Variants in CAMTA1 observed in about 807,000 individuals in gnomAD.
The protein encoded by CAMTA1 is calmodulin-binding transcription activator 1.
CAMTA1 carries 27 observed loss-of-function variants against 170.9 expected under a neutral mutation model. The observed-to-expected ratio is 0.16, with a 90% CI of 0.12 to 0.22. The LOEUF (loss-of-function observed/expected upper bound fraction) is 0.22. Among genes scored for constraint, CAMTA1 ranks in the 10% least tolerant of loss-of-function variants. The pLI is 1.00. For synonymous variants in CAMTA1, 833 were observed against 891.5 expected (o/e 0.93, Z 1.17); for missense variants, 1,619 against 2,217.2 (o/e 0.73, Z 5.42).
chr1:7,242,864 A>G (rs1211311039), intron 4 of CAMTA1, among the ~76,000 whole-genome samples: 1 of 152,102 alleles, frequency 6.6e-6, no homozygotes, highest in Non-Finnish European at 1.5e-5. Context: ...TGGGAGGCTG[A>G]GGCAGGAGAA....
At chr1:7,101,258 C>T (rs1642679146) in intron 4 of CAMTA1, among the ~76,000 whole-genome samples, 1 of 152,166 alleles carries the variant, frequency 6.6e-6, no homozygotes, top group Non-Finnish European at 1.5e-5. Context: ...GTGGTGTTTC[C>T]TCTGGATCAA....
intron 4 of CAMTA1, among the ~76,000 whole-genome samples, chr1:7,243,544 G>GCAGCATTATT (rs1318461439): frequency 6.6e-6 from 1 of 152,130 alleles, no homozygotes; most frequent in Non-Finnish European, 1.5e-5. Flanking sequence ...TTGTAGATAC[G>GCAGCATTATT]CAGCATTATT....
rs372047367 is a variant in CAMTA1 at position 7,670,955 on chromosome 1, C to T, written c.2697C>T (p.Ser899=). 9 of 1,613,688 alleles carry T rather than the reference C, an allele frequency of 5.6e-6. No homozygotes were observed. The African/African-American group carries it at 8.0e-5, about 14-fold the overall frequency. ...VLITGPWQEA[S]NNYSCLFDQI... ...TCACAGGCCCGTGGCAAGAAGCCAG[C>T]AATAACTACAGCTGCCTGTTTGACC... is the stretch of plus-strand genomic sequence containing the variant. The change falls in exon 10 of 23, where the codon AGC becomes AGT. Residue 899 remains serine (S), a synonymous_variant. Transcript: ENST00000303635.
intron 5 of CAMTA1, among the ~76,000 whole-genome samples, chr1:7,350,971 G>A (rs2084626327): frequency 6.6e-6 from 1 of 152,210 alleles, no homozygotes; most frequent in Non-Finnish European, 1.5e-5. Flanking sequence ...TCCCGGTAGG[G>A]CACTTCTCTG....
intron 6 of CAMTA1, among the ~76,000 whole-genome samples, chr1:7,559,909 C>A (rs182577247): frequency 5.9e-5 from 9 of 152,288 alleles, no homozygotes; most frequent in African/African-American, 2.2e-4. Context: ...AGACTCGCAG[C>A]GAGTTTCCGG....
chr1:7,220,936 C>T (rs2149127765), intron 4 of CAMTA1, among the ~76,000 whole-genome samples: 1 of 152,340 alleles, frequency 6.6e-6, no homozygotes, highest in South Asian at 2.1e-4. Flanking sequence ...CTCCCTAGGG[C>T]CCTCCAGCTG....
chr1:6,891,495 G>A (rs1674486841), intron 3 of CAMTA1, among the ~76,000 whole-genome samples: 1 of 152,188 alleles, frequency 6.6e-6, no homozygotes, highest in South Asian at 2.1e-4. Flanking sequence ...GTGATCTTCC[G>A]GGATCTTAAC....
intron 5 of CAMTA1, among the ~76,000 whole-genome samples, chr1:7,295,620 T>C (rs781017388): frequency 6.6e-6 from 1 of 152,254 alleles, no homozygotes; most frequent in Non-Finnish European, 1.5e-5. Context: ...AAATGCCCAC[T>C]GTGTGAAATT....
chr1:6,824,774 A>C (rs983597755), intron 2 of CAMTA1, among the ~76,000 whole-genome samples: 1 of 152,098 alleles, frequency 6.6e-6, no homozygotes, highest in African/African-American at 2.4e-5. Flanking sequence ...TATAATTTTT[A>C]TGTGCTTCAT....
At chr1:6,849,919 C>T (rs939230537) in intron 3 of CAMTA1, among the ~76,000 whole-genome samples, 8 of 151,590 alleles carry the variant, frequency 5.3e-5, no homozygotes, top group African/African-American at 9.7e-5. Context: ...CCTGTAATCC[C>T]AGCTACTTGG....
At chr1:7,746,179 A>AC (rs1282663708) in intron 18 of CAMTA1, 88 bp downstream of exon 18, 4 of 1,464,388 alleles carry the variant, frequency 2.7e-6, no homozygotes, top group Non-Finnish European at 3.7e-6. Flanking sequence ...AAAAACATTT[A>AC]CTATTTCTTT....
intron 3 of CAMTA1, among the ~76,000 whole-genome samples, chr1:6,942,640 CAG>C (rs1686840055): frequency 6.6e-6 from 1 of 152,150 alleles, no homozygotes; most frequent in Non-Finnish European, 1.5e-5. Context: ...GCCTGGGTGA[CAG>C]AGTGAGACCC....
At chr1:7,264,140 G>C (rs1477615864) in intron 5 of CAMTA1, among the ~76,000 whole-genome samples, 2 of 152,192 alleles carry the variant, frequency 1.3e-5, no homozygotes, top group African/African-American at 4.8e-5. Flanking sequence ...CTTCTGCAAA[G>C]GATGCAGAAA....
intron 22 of CAMTA1, among the ~76,000 whole-genome samples, chr1:7,765,974 C>T (rs1160917541): frequency 2.0e-5 from 3 of 150,534 alleles, no homozygotes; most frequent in East Asian, 1.9e-4. Flanking sequence ...TTGCAGTGAG[C>T]CGAGATGGTG....
chr1:7,232,328 TC>T lies in CAMTA1; in HGVS notation c.303-17159del, dbSNP rs771981290. Among the ~76,000 whole-genome samples the T allele has an allele frequency of 1.0e-3, 158 of 152,254 alleles. 1 individual carries two copies. Among genetic ancestry groups the T allele is most frequent in the Non-Finnish European group, 1.7e-3 (118 of 68,010 alleles). On this transcript the variant is annotated intron_variant, in intron 4 of 22. Transcript: ENST00000303635. ...TCAGCACTCATGGCCGGCTCTCGCT[TC>T]CCCGGAGGCACCGACATCTGCCTGT...
At chr1:6,984,053 GATAA>G (rs1694901329) in intron 3 of CAMTA1, among the ~76,000 whole-genome samples, 1 of 482 alleles carries the variant, frequency 2.1e-3, no homozygotes, top group Non-Finnish European at 5.4e-3. Flanking sequence ...TGGATAGATG[GATAA>G]ATGGGTGGGT....
At chr1:6,961,536 C>G (rs1690408941) in intron 3 of CAMTA1, among the ~76,000 whole-genome samples, 1 of 149,102 alleles carries the variant, frequency 6.7e-6, no homozygotes, top group South Asian at 2.1e-4. Context: ...GGCCCAGTGG[C>G]AGCCTGGGCT....
chr1:6,953,470 C>T (rs1038478929), intron 3 of CAMTA1, among the ~76,000 whole-genome samples: 2 of 152,244 alleles, frequency 1.3e-5, no homozygotes, highest in Admixed American at 6.5e-5. Flanking sequence ...TGGCTTCAGG[C>T]CTGGGTCTGG....
At chr1:6,955,255 G>A (rs942425869) in intron 3 of CAMTA1, among the ~76,000 whole-genome samples, 1 of 152,078 alleles carries the variant, frequency 6.6e-6, no homozygotes, top group African/African-American at 2.4e-5. Flanking sequence ...TGATGATGAT[G>A]ATGTCAGCAC....
Sources: gnomAD v4.1 joint callset for allele counts (sites outside exome capture counted in the v4.1 genomes callset) on GRCh38, gnomAD v4.1.1 for gene constraint, MANE v1.5 for transcripts, NCBI Gene and HGNC (gene_info 2026-07-23, HGNC 2026-07-21) for gene names.